Variants in NEDD4L observed in about 807,000 individuals in gnomAD.
The protein encoded by NEDD4L is NEDD4 like E3 ubiquitin protein ligase.
A neutral mutation model predicts 148.9 loss-of-function variants in NEDD4L; 54 were observed. The ratio of observed to expected loss-of-function variants is 0.36; its 90% CI spans 0.29 to 0.45. The LOEUF is 0.45. Among genes scored for constraint, NEDD4L ranks in the 20% least tolerant of loss-of-function variants. The pLI, the probability that NEDD4L is intolerant of heterozygous loss-of-function variation, is 1.00. For synonymous variants in NEDD4L, 433 were observed against 440.7 expected, an observed-to-expected ratio of 0.98 and a Z score of 0.22; for missense variants, 856 against 1,233.8, an observed-to-expected ratio of 0.69 and a Z score of 4.59.
At chr18:58,140,052 G>A (rs1250921746) in intron 1 of NEDD4L, among the ~76,000 whole-genome samples, 4 of 152,166 alleles carry the variant, frequency 2.6e-5, no homozygotes, top group African/African-American at 9.7e-5. Flanking sequence ...CCAAATTTAG[G>A]GGGCTTCCCA....
At chr18:58,333,271 C>G (rs930093186) in intron 11 of NEDD4L, among the ~76,000 whole-genome samples, 1 of 143,134 alleles carries the variant, frequency 7.0e-6, no homozygotes, top group African/African-American at 2.6e-5. Context: ...GAACAAGACT[C>G]TATATTTAAA....
Position 58,266,200 on chromosome 18 carries a change from A to G in NEDD4L, c.297+14146A>G, listed in dbSNP as rs373971707. ...GTTGATCGGATCTGCAACCTAAACC[A>G]AGTGCCAAATTAAATTCAGGATAGA... On this transcript the variant is annotated intron_variant, in intron 5 of 30. Coordinates refer to ENST00000400345, the MANE Select transcript of NEDD4L (RefSeq NM_001144967.3). Among the ~76,000 whole-genome samples, 5 of 152,070 alleles carry G rather than the reference A, an allele frequency of 3.3e-5. No individual in the cohort carries two copies. The East Asian group carries it at 9.6e-4, about 29-fold the overall frequency.
At chr18:58,325,248 G>A in intron 9 of NEDD4L, 86 bp downstream of exon 9, 1 of 1,489,978 alleles carries the variant, frequency 6.7e-7, no homozygotes, top group Non-Finnish European at 9.2e-7. Flanking sequence ...ACAAGGCTGG[G>A]AAATAAATCA....
At chr18:58,159,988 C>A (rs931633725) in intron 1 of NEDD4L, among the ~76,000 whole-genome samples, 1 of 152,156 alleles carries the variant, frequency 6.6e-6, no homozygotes, top group African/African-American at 2.4e-5. Context: ...TATTTCCCAG[C>A]TCAGATACCA....
intron 20 of NEDD4L, 95 bp downstream of exon 20, chr18:58,364,428 T>A: frequency 1.4e-6 from 1 of 715,756 alleles, no homozygotes; most frequent in East Asian, 2.8e-5. Context: ...TACTTTTATA[T>A]GAATGCTAAA....
At chr18:58,286,663 A>G (rs2053948968) in intron 5 of NEDD4L, among the ~76,000 whole-genome samples, 2 of 152,242 alleles carry the variant, frequency 1.3e-5, no homozygotes, top group Non-Finnish European at 1.5e-5. Flanking sequence ...CATCATGTTC[A>G]TGATAATCCC....
Position 58,273,749 on chromosome 18 carries a change from C to A in NEDD4L, c.297+21695C>A, listed in dbSNP as rs566392357. ...AATGCACTTATCCATTCAGTGAGCTCTAACCTACAAGGTGTTTTGCTTCAG... is the reference window on the plus strand; with the variant it reads ...AATGCACTTATCCATTCAGTGAGCTATAACCTACAAGGTGTTTTGCTTCAG... On this transcript the variant is annotated intron_variant, in intron 5 of 30. Coordinates refer to ENST00000400345, the MANE Select transcript of NEDD4L (RefSeq NM_001144967.3). Among the ~76,000 whole-genome samples, 4 of 152,360 alleles carry A rather than the reference C, an allele frequency of 2.6e-5. No individual in the cohort carries two copies. The South Asian group carries it at 8.3e-4, about 32-fold the overall frequency.
intron 2 of NEDD4L, among the ~76,000 whole-genome samples, chr18:58,237,328 T>A (rs558969901): frequency 6.6e-6 from 1 of 152,332 alleles, no homozygotes; most frequent in South Asian, 2.1e-4. Context: ...GGGAACAGTT[T>A]TTGTTTCCCC....
At chr18:58,106,318 A>C (rs1448719221) in intron 1 of NEDD4L, among the ~76,000 whole-genome samples, 1 of 152,230 alleles carries the variant, frequency 6.6e-6, no homozygotes, top group Non-Finnish European at 1.5e-5. Context: ...CAGGCTTTTT[A>C]ACCCTAGTAG....
chr18:58,208,159 A>T (rs1021114586), intron 2 of NEDD4L, among the ~76,000 whole-genome samples: 1 of 152,232 alleles, frequency 6.6e-6, no homozygotes, highest in African/African-American at 2.4e-5. Flanking sequence ...TAATAGTAAC[A>T]TTTTATTCAC....
intron 1 of NEDD4L, among the ~76,000 whole-genome samples, chr18:58,161,769 A>T (rs2036245131): frequency 6.6e-6 from 1 of 151,964 alleles, no homozygotes; most frequent in South Asian, 2.1e-4. Flanking sequence ...TCCCTTCTTT[A>T]TCTCCAGGAT....
At chr18:58,295,504 G>A (rs1034354658) in intron 5 of NEDD4L, among the ~76,000 whole-genome samples, 8 of 152,156 alleles carry the variant, frequency 5.3e-5, no homozygotes, top group African/African-American at 1.9e-4. Flanking sequence ...CCACCGCTTA[G>A]TTAGTCATTC....
intron 4 of NEDD4L, among the ~76,000 whole-genome samples, chr18:58,250,847 A>G (rs1253062060): frequency 6.6e-6 from 1 of 152,228 alleles, no homozygotes; most frequent in African/African-American, 2.4e-5. Context: ...AAATGAGAAC[A>G]TGTAGCTCTA....
intron 27 of NEDD4L, 87 bp downstream of exon 27, chr18:58,387,585 A>T: frequency 7.5e-7 from 1 of 1,337,628 alleles, no homozygotes; most frequent in Non-Finnish European, 1.0e-6. Context: ...ATATTCTTGG[A>T]TCCATAATGT....
chr18:58,231,440 A>C (rs2045222933), intron 2 of NEDD4L, among the ~76,000 whole-genome samples: 2 of 152,038 alleles, frequency 1.3e-5, no homozygotes, highest in South Asian at 4.2e-4. Context: ...AAGATTTCCA[A>C]GGCCATGGGG....
At chr18:58,140,138 C>G (rs941997923) in intron 1 of NEDD4L, among the ~76,000 whole-genome samples, 10 of 152,078 alleles carry the variant, frequency 6.6e-5, no homozygotes, top group Non-Finnish European at 1.5e-4. Context: ...AATGACATAC[C>G]TATACCTAGT....
intron 1 of NEDD4L, among the ~76,000 whole-genome samples, chr18:58,097,986 G>A (rs1568212516): frequency 6.6e-6 from 1 of 152,196 alleles, no homozygotes; most frequent in African/African-American, 2.4e-5. Flanking sequence ...CCATGATCAC[G>A]CCATTGCACT....
chr18:58,251,543 ATGTGTG>A (rs142558960), intron 4 of NEDD4L, among the ~76,000 whole-genome samples: 1 of 151,172 alleles, frequency 6.6e-6, no homozygotes, highest in African/African-American at 2.4e-5. Context: ...GTTTGTGTGT[ATGTGTG>A]TGTGTGTGTC....
At chr18:58,186,150 C>T (rs1036924980) in intron 2 of NEDD4L, among the ~76,000 whole-genome samples, 2 of 152,156 alleles carry the variant, frequency 1.3e-5, no homozygotes, top group African/African-American at 2.4e-5. Context: ...CCCTAGTTGA[C>T]GGAGTCGCAG....
Sources: allele counts gnomAD v4.1 joint callset (sites outside exome capture counted in the v4.1 genomes callset), GRCh38; gene constraint gnomAD v4.1.1; transcripts MANE v1.5; gene names NCBI Gene and HGNC (gene_info 2026-07-23, HGNC 2026-07-21).